ESR1: variants seen among roughly 807,000 people sequenced by gnomAD.
The protein encoded by ESR1 is estrogen receptor 1, also known as estrogen receptor.
A neutral mutation model predicts 52.7 loss-of-function variants in ESR1; 12 were observed. The observed-to-expected ratio is 0.23, with a 90% CI of 0.15 to 0.37. The LOEUF (loss-of-function observed/expected upper bound fraction) is 0.37. Among genes scored for constraint, ESR1 ranks in the 10% least tolerant of loss-of-function variants. The probability of loss-of-function intolerance (pLI) is 1.00; values close to 1 mark genes in which losing one functional copy is unlikely to be tolerated. For synonymous variants in ESR1, 305 were observed against 316.8 expected (o/e 0.96, Z 0.39); for missense variants, 584 against 779.7 (o/e 0.75, Z 2.99).
At chr6:151,956,201 C>T (rs554516443) in intron 4 of ESR1, among the ~76,000 whole-genome samples, 1 of 152,118 alleles carries the variant, frequency 6.6e-6, no homozygotes, top group African/African-American at 2.4e-5. Flanking sequence ...GTTCATGTGT[C>T]TTTATGGTAG....
intron 1 of ESR1, among the ~76,000 whole-genome samples, chr6:151,666,696 C>T (rs913152024): frequency 1.0e-5 from 1 of 97,396 alleles, no homozygotes; most frequent in Admixed American, 1.4e-4. Flanking sequence ...TTCCCCATCC[C>T]CCTCCTCCTC....
rs1376056909 is a variant in ESR1 at position 151,932,550 on chromosome 6, A to T, written c.761-11623A>T. Among the ~76,000 whole-genome samples the T allele has an allele frequency of 1.3e-4, 15 of 116,720 alleles. No homozygotes were observed. In the East Asian group the frequency reaches 2.4e-3, roughly 19 times the overall value. The allele number at this position is 116,720 out of a possible 152,430, so 76.6% of individuals were successfully genotyped here. On this transcript the variant is annotated intron_variant, in intron 3 of 7. Transcript: ENST00000206249. Reference sequence around the variant, plus strand: ...GCCCATGCCTATGTCCTGAATGGTAATGCCTAGGTTTTCTTCTAGGGTTTT... The same window carrying T: ...GCCCATGCCTATGTCCTGAATGGTATTGCCTAGGTTTTCTTCTAGGGTTTT...
At chr6:151,732,788 G>C (rs1782355447) in intron 2 of ESR1, among the ~76,000 whole-genome samples, 1 of 152,140 alleles carries the variant, frequency 6.6e-6, no homozygotes, top group Non-Finnish European at 1.5e-5. Flanking sequence ...TGTAACTACT[G>C]TAACCATGCC....
intron 2 of ESR1, among the ~76,000 whole-genome samples, chr6:151,739,881 A>G (rs1403095358): frequency 6.6e-6 from 1 of 151,984 alleles, no homozygotes; most frequent in Non-Finnish European, 1.5e-5. Context: ...CTTATTTGTC[A>G]TCTCTTCCCT....
intron 4 of ESR1, among the ~76,000 whole-genome samples, chr6:151,979,985 C>G (rs2039836430): frequency 6.6e-6 from 1 of 152,140 alleles, no homozygotes; most frequent in Non-Finnish European, 1.5e-5. Context: ...TTGCATAATG[C>G]TATTGCCTAG....
chr6:152,033,211 C>T (rs181588476), intron 5 of ESR1, among the ~76,000 whole-genome samples: 21 of 152,110 alleles, frequency 1.4e-4, no homozygotes, highest in Admixed American at 9.2e-4. Flanking sequence ...TAGGCAATAC[C>T]ATTCAGGACA....
chr6:152,014,994 G>A (rs551790369), intron 5 of ESR1, among the ~76,000 whole-genome samples: 10 of 152,264 alleles, frequency 6.6e-5, no homozygotes, highest in South Asian at 2.1e-4. Flanking sequence ...TTGAACATGG[G>A]AGGCAGACGT....
intron 2 of ESR1, among the ~76,000 whole-genome samples, chr6:151,778,345 G>T (rs1786213110): frequency 6.6e-6 from 1 of 151,910 alleles, no homozygotes; most frequent in South Asian, 2.1e-4. Context: ...CTGGGAATGT[G>T]CTTAATGCCA....
At chr6:152,000,232 A>T (rs907100359) in intron 4 of ESR1, among the ~76,000 whole-genome samples, 1 of 152,058 alleles carries the variant, frequency 6.6e-6, no homozygotes, top group Non-Finnish European at 1.5e-5. Flanking sequence ...TCATTCATTC[A>T]AAAAATATCC....
At chr6:151,804,783 C>T (rs977399911), upstream of ESR1, 1 of 152,202 alleles carries the variant, frequency 6.6e-6, no homozygotes, top group Admixed American at 6.5e-5. Context: ...TGACTAATGT[C>T]TGGCAACAAA....
intron 1 of ESR1, among the ~76,000 whole-genome samples, chr6:151,841,059 A>G (rs940862974): frequency 4.6e-5 from 7 of 152,122 alleles, no homozygotes; most frequent in Non-Finnish European, 1.0e-4. Context: ...AGTCTTCTTC[A>G]AGTTGTCTTC....
At chr6:151,814,545 G>A (rs1328193012) in intron 1 of ESR1, among the ~76,000 whole-genome samples, 1 of 152,128 alleles carries the variant, frequency 6.6e-6, no homozygotes, top group Non-Finnish European at 1.5e-5. Context: ...GGGCTAAACA[G>A]AGTTCCTACC....
In ESR1 at chr6:152,012,348, G is replaced by GT. The variant is rs753000352; in HGVS notation, c.1235+566dup. Among the ~76,000 whole-genome samples, 972 of 139,942 alleles carry GT rather than the reference G, an allele frequency of 6.9e-3. 11 individuals carry two copies. Among genetic ancestry groups the GT allele is most frequent in the East Asian group, 0.049 (236 of 4,804 alleles). The allele number at this position is 139,942 out of a possible 152,430, so 91.8% of individuals were successfully genotyped here. On this transcript the variant is annotated intron_variant, in intron 5 of 7. Transcript: ENST00000206249. ...GTTGCCTTGGAATGTGGGTCCCATT[G>GT]TTTTTTTTTTTTCAGTCATTGCTTA...
intron 5 of ESR1, among the ~76,000 whole-genome samples, chr6:152,018,705 A>G (rs2043362356): frequency 6.6e-6 from 1 of 152,092 alleles, no homozygotes; most frequent in Admixed American, 6.6e-5. Context: ...ACTGGATTCC[A>G]CCATCGCTTT....
intron 4 of ESR1, among the ~76,000 whole-genome samples, chr6:151,959,467 G>T (rs2037401346): frequency 6.6e-6 from 1 of 151,976 alleles, no homozygotes; most frequent in Non-Finnish European, 1.5e-5. Flanking sequence ...TCTCTCCCTT[G>T]CCCTCTCATC....
intron 2 of ESR1, among the ~76,000 whole-genome samples, chr6:151,766,360 C>T (rs1423535385): frequency 6.6e-6 from 1 of 152,032 alleles, no homozygotes; most frequent in Non-Finnish European, 1.5e-5. Flanking sequence ...TTTTGATTGA[C>T]ATTTAAAAAT....
chr6:151,869,760 A>AT (rs932234155), intron 2 of ESR1, among the ~76,000 whole-genome samples: 16 of 152,120 alleles, frequency 1.1e-4, no homozygotes, highest in African/African-American at 2.7e-4. Context: ...TTTTTTAAAA[A>AT]TTTTTTTTCT....
intron 4 of ESR1, among the ~76,000 whole-genome samples, chr6:151,976,536 T>A (rs1304114090): frequency 6.6e-6 from 1 of 152,156 alleles, no homozygotes; most frequent in Non-Finnish European, 1.5e-5. Context: ...GAAAGTACAG[T>A]GAAGTATCTC....
rs76601053 is a variant in ESR1, at chr6:152,063,461, G to A, written c.1369+2337G>A. On this transcript the variant is annotated intron_variant, in intron 6 of 7. Coordinates refer to ENST00000206249, the MANE Select transcript of ESR1 (RefSeq NM_000125.4). ...AAAGTGAGCTGTGCCCCAGAAAAGC[G>A]GATCTGCTGCTGAGCAGGGCTCCTC... Among the ~76,000 whole-genome samples, 485 of 152,232 alleles carry A rather than the reference G, an allele frequency of 3.2e-3. 6 individuals are homozygous for A. Among genetic ancestry groups the A allele is most frequent in the African/African-American group, 0.011 (459 of 41,546 alleles).
Sources: gnomAD v4.1 joint callset for allele counts (sites outside exome capture counted in the v4.1 genomes callset) on GRCh38, gnomAD v4.1.1 for gene constraint, MANE v1.5 for transcripts, NCBI Gene and HGNC (gene_info 2026-07-23, HGNC 2026-07-21) for gene names.